Variants in MEMO1 observed in about 807,000 individuals in gnomAD.
MEMO1 encodes protein MEMO1.
MEMO1 carries 6 observed loss-of-function variants against 45.2 expected under a neutral mutation model. That is an observed-to-expected ratio of 0.13 (90% CI 0.07 to 0.26). The LOEUF is 0.26. Ranked by LOEUF, MEMO1 falls within the 10% of genes least tolerant of loss-of-function variation. The pLI, the probability that MEMO1 is intolerant of heterozygous loss-of-function variation, is 1.00. For missense variants in MEMO1, 184 were observed against 370.5 expected (o/e 0.50, Z 4.13); for synonymous variants, 78 against 124.3 (o/e 0.63, Z 2.48).
At chr2:31,985,175 C>T (rs1472052407) in intron 2 of MEMO1, among the ~76,000 whole-genome samples, 1 of 152,094 alleles carries the variant, frequency 6.6e-6, no homozygotes, top group Non-Finnish European at 1.5e-5. Flanking sequence ...AAAACATGGT[C>T]CCCACTGGTT....
chr2:31,879,719 T>C (rs1206618798), intron 8 of MEMO1, among the ~76,000 whole-genome samples: 3 of 152,234 alleles, frequency 2.0e-5, no homozygotes, highest in African/African-American at 7.2e-5. Context: ...TCATACTACA[T>C]GTTCAAAATC....
intron 2 of MEMO1, among the ~76,000 whole-genome samples, chr2:31,954,211 C>T (rs553076782): frequency 1.3e-5 from 2 of 152,300 alleles, no homozygotes; most frequent in South Asian, 4.1e-4. Flanking sequence ...TTAAATTACC[C>T]ACAATCCTGA....
intron 2 of MEMO1, among the ~76,000 whole-genome samples, chr2:31,958,278 G>C (rs1365025340): frequency 6.6e-6 from 1 of 151,950 alleles, no homozygotes; most frequent in African/African-American, 2.4e-5. Flanking sequence ...GCTTGAGCAT[G>C]ACTGAGGCTC....
chr2:31,893,689 G>A (rs1677287197), intron 6 of MEMO1, among the ~76,000 whole-genome samples: 1 of 152,136 alleles, frequency 6.6e-6, no homozygotes, highest in Admixed American at 6.5e-5. Context: ...TCTGTAAAAT[G>A]ATCATAATTA....
At chr2:31,877,092 C>T (rs1298463411) in intron 8 of MEMO1, among the ~76,000 whole-genome samples, 1 of 152,186 alleles carries the variant, frequency 6.6e-6, no homozygotes, top group African/African-American at 2.4e-5. Context: ...CTTCTCACCA[C>T]CCTCCCCATC....
At position 31,987,452 on chromosome 2, in the gene MEMO1, A is replaced by G. The variant is rs1378977346; in HGVS notation, c.61+22735T>C. Among the ~76,000 whole-genome samples, 4 of 152,372 alleles carry G rather than the reference A, an allele frequency of 2.6e-5. No individual in the cohort carries two copies. The East Asian group carries it at 7.7e-4, about 29-fold the overall frequency. On this transcript the variant is annotated intron_variant, in intron 2 of 9. Coordinates refer to ENST00000404530, the MANE Select transcript of MEMO1 (RefSeq NM_001301833.4). ...TAATGATTTTAACTAGTACAGTCAT[A>G]TTAACCAATTTACATTTTTCAAAAT... is the stretch of plus-strand genomic sequence containing the variant.
At chr2:31,923,711 A>G (rs983228789) in intron 4 of MEMO1, 1 of 1,547,770 alleles carries the variant, frequency 6.5e-7, no homozygotes, top group South Asian at 1.2e-5. Context: ...AAGGATATTT[A>G]ACATCAGAGC....
Position 31,895,837 on chromosome 2 carries a change from CTTTTT to C in MEMO1, c.438-3708_438-3704del, listed in dbSNP as rs71412853. Among the ~76,000 whole-genome samples the C allele has an allele frequency of 9.4e-5, 8 of 84,738 alleles. No homozygotes were observed. The East Asian group carries it at 1.6e-3, about 17-fold the overall frequency. 55.6% of individuals were successfully genotyped at this position (84,738 alleles called of 152,430 possible). ...TGAAAACAAAACACAAGAAAAAAAT[CTTTTT>C]TTTTTTTTTTTTTTTTTTTTGAGAC... On this transcript the variant is annotated intron_variant, in intron 6 of 9. Transcript: ENST00000404530.
Position 31,932,246 on chromosome 2 carries a change from G to A in MEMO1, c.144-111C>T, listed in dbSNP as rs1664269524. 76 of 793,052 alleles carry A rather than the reference G, an allele frequency of 9.6e-5. No homozygotes were observed. The South Asian group carries it at 1.4e-3, about 14-fold the overall frequency. 49.1% of individuals were successfully genotyped at this position (793,052 alleles called of 1,614,324 possible). A position where few individuals can be genotyped will look rare whatever the true frequency, so the allele number is the denominator to read the frequency against. The stretch of plus-strand genomic sequence containing the variant: ...CCTATGGTAAACACAACAGAATTGA[G>A]AGCATATGTTAAATAACAATGTAGT... On this transcript the variant is annotated intron_variant, in intron 3 of 9. Transcript: ENST00000404530.
intron 2 of MEMO1, among the ~76,000 whole-genome samples, chr2:31,980,626 T>C (rs1409591085): frequency 6.6e-6 from 1 of 152,120 alleles, no homozygotes; most frequent in Non-Finnish European, 1.5e-5. Flanking sequence ...TGATATAGGA[T>C]ACAGTTTTAG....
At chr2:31,940,811 G>T (rs1665522068) in intron 3 of MEMO1, among the ~76,000 whole-genome samples, 1 of 152,164 alleles carries the variant, frequency 6.6e-6, no homozygotes, top group Non-Finnish European at 1.5e-5. Flanking sequence ...GGGATTACAG[G>T]CGTGAGTCAC....
chr2:31,993,944 ACT>A (rs1297502499), intron 2 of MEMO1, among the ~76,000 whole-genome samples: 1 of 133,880 alleles, frequency 7.5e-6, no homozygotes, highest in Non-Finnish European at 1.6e-5. Flanking sequence ...TATCATCAAT[ACT>A]TTCTTTTTTT....
intron 6 of MEMO1, among the ~76,000 whole-genome samples, chr2:31,905,398 A>G (rs989172598): frequency 1.3e-5 from 2 of 152,238 alleles, no homozygotes; most frequent in African/African-American, 4.8e-5. Context: ...AAATGAATGC[A>G]ATGAGATTCC....
intron 2 of MEMO1, among the ~76,000 whole-genome samples, chr2:31,959,836 T>A (rs547717225): frequency 2.8e-4 from 43 of 152,252 alleles, no homozygotes; most frequent in African/African-American, 9.9e-4. Flanking sequence ...CACGGGAAAG[T>A]CAGTATTCAA....
intron 6 of MEMO1, among the ~76,000 whole-genome samples, chr2:31,914,019 G>C (rs1050308059): frequency 6.6e-6 from 1 of 152,302 alleles, no homozygotes; most frequent in South Asian, 2.1e-4. Context: ...TATCCTGCTA[G>C]AGAGGATTCA....
chr2:31,971,219 C>T (rs1215214018), intron 2 of MEMO1, among the ~76,000 whole-genome samples: 2 of 152,272 alleles, frequency 1.3e-5, no homozygotes, highest in East Asian at 3.9e-4. Flanking sequence ...ATAAACCTAA[C>T]ATAGGCACAG....
intron 2 of MEMO1, among the ~76,000 whole-genome samples, chr2:31,946,360 A>G (rs574964366): frequency 1.3e-5 from 2 of 152,328 alleles, no homozygotes; most frequent in African/African-American, 4.8e-5. Context: ...TAAAATGGAC[A>G]GTAAATTTGT....
At chr2:31,928,594 C>G (rs982300995) in intron 4 of MEMO1, among the ~76,000 whole-genome samples, 2 of 151,482 alleles carry the variant, frequency 1.3e-5, no homozygotes, top group African/African-American at 4.8e-5. Context: ...TTATTAGACC[C>G]TGACCAGTCC....
At chr2:31,959,640 A>G (rs1361935754) in intron 2 of MEMO1, among the ~76,000 whole-genome samples, 1 of 152,212 alleles carries the variant, frequency 6.6e-6, no homozygotes, top group African/African-American at 2.4e-5. Context: ...AAATGGAGAA[A>G]GCAAATGAAA....
Sources: allele counts gnomAD v4.1 joint callset (sites outside exome capture counted in the v4.1 genomes callset), GRCh38; gene constraint gnomAD v4.1.1; transcripts MANE v1.5; gene names NCBI Gene and HGNC (gene_info 2026-07-23, HGNC 2026-07-21).